COPZ2: variants seen among roughly 807,000 people sequenced by gnomAD.
The protein encoded by COPZ2 is coatomer subunit zeta-2.
COPZ2 carries 30 observed loss-of-function variants against 33.2 expected under a neutral mutation model. The ratio of observed to expected loss-of-function variants is 0.90; its 90% CI spans 0.68 to 1.23. The LOEUF (loss-of-function observed/expected upper bound fraction) is 1.23, where lower values mean the gene tolerates loss of function less well. COPZ2 is among the 50% of genes most tolerant of loss of function. The probability of loss-of-function intolerance (pLI) is 0.00; values close to 1 mark genes in which losing one functional copy is unlikely to be tolerated. For missense variants in COPZ2, 263 were observed against 262.4 expected (o/e 1.00, Z -0.02); for synonymous variants, 89 against 102.6 (o/e 0.87, Z 0.80).
At chr17:48,034,905 G>C (rs1049941505) in intron 2 of COPZ2, among the ~76,000 whole-genome samples, 1 of 152,276 alleles carries the variant, frequency 6.6e-6, no homozygotes, top group Non-Finnish European at 1.5e-5. Flanking sequence ...AGAATCGCTT[G>C]AACCCGGGAG....
At chr17:48,040,920 C>T (rs373672081), upstream of COPZ2, among the ~76,000 whole-genome samples, 12 of 151,648 alleles carry the variant, frequency 7.9e-5, no homozygotes, top group East Asian at 9.8e-4. Context: ...GAGGCCAAGG[C>T]GGGCAGATCA....
At chr17:48,033,698 C>T in intron 3 of COPZ2, among the ~76,000 whole-genome samples, 165 bp downstream of exon 3, 1 of 152,030 alleles carries the variant, frequency 6.6e-6, no homozygotes. Flanking sequence ...TGGAGGTTCC[C>T]TGGAGGAAGG....
intron 2 of COPZ2, among the ~76,000 whole-genome samples, chr17:48,035,753 C>CTTTTT (rs368011148): frequency 7.6e-6 from 1 of 131,518 alleles, no homozygotes; most frequent in African/African-American, 2.8e-5. Flanking sequence ...TTTTTCTTTT[C>CTTTTT]TTTTTTTTTT....
chr17:48,037,765 C>T lies in COPZ2; in HGVS notation c.13G>A (p.Glu5Lys). The part of the protein sequence containing the change: MQRP[E>K]AWPRPHPGEG... Reference sequence around the variant, plus strand: ...CCCGGGTGCGGACGTGGCCAGGCCTCGGGCCGCTGCATTCCGCTCGCCGCC... The same window carrying T: ...CCCGGGTGCGGACGTGGCCAGGCCTTGGGCCGCTGCATTCCGCTCGCCGCC... The change falls in exon 1 of 9, where the codon GAG (glutamate) becomes AAG (lysine). Residue 5 changes from glutamate (E) to lysine (K), a missense_variant. Glu to Lys is a moderately conservative substitution (Grantham distance 56). Transcript: ENST00000621465. The surrounding 1 kb of genome is among the most constrained non-coding windows in gnomAD (Gnocchi z 5.6). 9.7e-7 allele frequency: 1 copy of T among 1,028,144 alleles called. No homozygotes were observed. The highest frequency in any genetic ancestry group is 4.4e-5 in the South Asian group (1 of 22,500). The allele number at this position is 1,028,144 out of a possible 1,614,324, so 63.7% of individuals were successfully genotyped here. A position where few individuals can be genotyped will look rare whatever the true frequency, so the allele number is the denominator to read the frequency against.
rs917726475 is a variant in COPZ2, at chr17:48,037,428, G to A, written c.111+239C>T. ...CTCCCCGCGGAATCGCAACTCACCC[G>A]CCACCCCCACTCCAAACGGACCCAG... On this transcript the variant is annotated intron_variant, in intron 1 of 8. Transcript: ENST00000621465. The surrounding 1 kb of genome is among the most constrained non-coding windows in gnomAD (Gnocchi z 5.6). Among the ~76,000 whole-genome samples, 5 of 152,116 alleles carry A rather than the reference G, an allele frequency of 3.3e-5. No individual in the cohort carries two copies. Among genetic ancestry groups the A allele is most frequent in the Non-Finnish European group, 5.9e-5 (4 of 67,992 alleles).
chr17:48,026,346 C>G lies in COPZ2; in HGVS notation c.*82G>C, dbSNP rs2036816369. 1.1e-5 allele frequency: 12 copies of G among 1,134,812 alleles called. No individual in the cohort carries two copies. Among genetic ancestry groups the G allele is most frequent in the Non-Finnish European group, 1.6e-5 (12 of 757,464 alleles). 70.3% of individuals were successfully genotyped at this position (1,134,812 alleles called of 1,614,324 possible). ...GAGGGACCTGGGGATACAGAGGGGT[C>G]TCTCCTGACCCTGGGATCTTTGGGC... On this transcript the variant is annotated 3_prime_UTR_variant, in exon 9 of 9. Transcript: ENST00000621465.
upstream of COPZ2, among the ~76,000 whole-genome samples, chr17:48,042,557 G>A (rs576399850): frequency 6.6e-6 from 1 of 152,158 alleles, no homozygotes; most frequent in East Asian, 1.9e-4. Context: ...TGCCTCCCGG[G>A]TTCAAGCAAT....
At chr17:48,033,806 T>C (rs2240119) in intron 3 of COPZ2, 57 bp downstream of exon 3, 134,506 of 1,321,144 alleles carry the variant, frequency 0.1, 7,514 homozygotes, top group East Asian at 0.2. Flanking sequence ...TGTGTCCAGA[T>C]GGAGAAGATG....
rs2037004120 is a variant in COPZ2, at chr17:48,037,343, C to T, written c.111+324G>A. On this transcript the variant is annotated intron_variant, in intron 1 of 8. Transcript: ENST00000621465. This position sits in a 1 kb window ranked among gnomAD's most constrained non-coding sequence, Gnocchi z 5.6. ...CCCTGGCCCGGGTAGACTCCAGAAG[C>T]ATGCCCATCACCCACCGGTGATGGG... 1 of 380,338 alleles carries T rather than the reference C, an allele frequency of 2.6e-6. No homozygotes were observed. The highest frequency in any genetic ancestry group is 5.1e-6 in the Non-Finnish European group (1 of 197,564). 23.6% of individuals were successfully genotyped at this position (380,338 alleles called of 1,614,324 possible).
chr17:48,029,272 T>C, intron 6 of COPZ2, 96 bp from the exon 7 acceptor site: 1 of 1,047,356 alleles, frequency 9.5e-7, no homozygotes, highest in South Asian at 1.4e-5. Flanking sequence ...TCCGAAGGCA[T>C]CCTGCAACAT....
intron 2 of COPZ2, among the ~76,000 whole-genome samples, chr17:48,035,375 C>T (rs932748230): frequency 1.3e-5 from 2 of 152,162 alleles, no homozygotes; most frequent in Admixed American, 6.5e-5. Flanking sequence ...AAACAAAAAA[C>T]TTTCAGTTCC....
At chr17:48,047,671 A>AACGTTCCG in the COPZ2 span, 1 of 151,910 alleles carries the variant, frequency 6.6e-6, no homozygotes, top group African/African-American at 2.4e-5. Flanking sequence ...ACGTCCCACC[A>AACGTTCCG]CCCTCATGAT....
Position 48,037,122 on chromosome 17 carries a change from G to A in COPZ2, c.112-197C>T, listed in dbSNP as rs776181388. On this transcript the variant is annotated intron_variant, in intron 1 of 8. Transcript: ENST00000621465. This position sits in a 1 kb window ranked among gnomAD's most constrained non-coding sequence, Gnocchi z 5.6. The stretch of plus-strand genomic sequence containing the variant: ...TCCACTCCCAGGCAGATGTTCCACT[G>A]CAGGCCCCGAGTGGGCGCTGTGCCC... 1 of 770,682 alleles carries A rather than the reference G, an allele frequency of 1.3e-6. No individual in the cohort carries two copies. The highest frequency in any genetic ancestry group is 2.4e-6 in the Non-Finnish European group (1 of 413,696). 47.7% of individuals were successfully genotyped at this position (770,682 alleles called of 1,614,324 possible).
chr17:48,043,800 G>T, the COPZ2 span, among the ~76,000 whole-genome samples: 2 of 152,204 alleles, frequency 1.3e-5, no homozygotes. Context: ...AACAGAGCCA[G>T]ATTTTCGAAC....
chr17:48,037,456 C>A lies in COPZ2; in HGVS notation c.111+211G>T. Among the ~76,000 whole-genome samples, 1 of 152,226 alleles carries A rather than the reference C, an allele frequency of 6.6e-6. No homozygotes were observed. The highest frequency in any genetic ancestry group is 1.9e-4 in the East Asian group (1 of 5,202). On this transcript the variant is annotated intron_variant, in intron 1 of 8. Coordinates refer to ENST00000621465, the MANE Select transcript of COPZ2 (RefSeq NM_016429.4). This position sits in a 1 kb window ranked among gnomAD's most constrained non-coding sequence, Gnocchi z 5.6. ...ACCCCCACTCCAAACGGACCCAGAA[C>A]TTCAGCCCCGCGCCGACGGACTCAG...
intron 2 of COPZ2, 107 bp from the exon 3 acceptor site, chr17:48,034,051 C>CCT: frequency 1.4e-6 from 1 of 730,674 alleles, no homozygotes; most frequent in Non-Finnish European, 2.4e-6. Context: ...GATCCTGCTT[C>CCT]CCTGCCCCAT....
chr17:48,036,178 A>G (rs1639678587), intron 2 of COPZ2, among the ~76,000 whole-genome samples: 1 of 152,250 alleles, frequency 6.6e-6, no homozygotes, highest in South Asian at 2.1e-4. Flanking sequence ...GCTAGGATAG[A>G]TAACAGCTAA....
chr17:48,040,154 AAAC>A (rs968088926), upstream of COPZ2, among the ~76,000 whole-genome samples: 6 of 129,928 alleles, frequency 4.6e-5, no homozygotes, highest in African/African-American at 1.4e-4. Flanking sequence ...ACACACACAC[AAAC>A]AACTCCCAGG....
In COPZ2 at chr17:48,028,476, G is replaced by A; in HGVS notation, c.581C>T (p.Ala194Val). 3 of 1,609,440 alleles carry A rather than the reference G, an allele frequency of 1.9e-6. No individual in the cohort carries two copies. Among genetic ancestry groups the A allele is most frequent in the Non-Finnish European group, 2.5e-6 (3 of 1,177,966 alleles). The change falls in exon 8 of 9, where the codon GCC becomes GTC. Residue 194 changes from alanine (A) to valine (V), a missense_variant. Physicochemically the swap from Ala to Val is moderately conservative, Grantham distance 64. Coordinates refer to ENST00000621465, the MANE Select transcript of COPZ2 (RefSeq NM_016429.4). The surrounding 1 kb of genome is among the most constrained non-coding windows in gnomAD (Gnocchi z 4.5). Reference sequence around the variant, plus strand: ...GGCAGATGCAGGGGGGCCTACCTGGGCCACACTCTGTTCAGTCAAGCCGCC... The same window carrying A: ...GGCAGATGCAGGGGGGCCTACCTGGACCACACTCTGTTCAGTCAAGCCGCC... ...DDGGLTEQSVAQVLQSAKEQI... is the reference protein window; with the variant it reads ...DDGGLTEQSVVQVLQSAKEQI...
Sources: allele counts gnomAD v4.1 joint callset (sites outside exome capture counted in the v4.1 genomes callset), GRCh38; gene constraint gnomAD v4.1.1; non-coding constraint Gnocchi (gnomAD v3.1); transcripts MANE v1.5; gene names NCBI Gene and HGNC (gene_info 2026-07-23, HGNC 2026-07-21).